The following ME2 variants were observed in gnomAD, a reference collection of about 807,000 sequenced individuals.
The protein encoded by ME2 is malic enzyme 2, also known as NAD-dependent malic enzyme, mitochondrial.
In ME2, 60 loss-of-function variants were observed where a neutral mutation model predicts 73.7. The ratio of observed to expected loss-of-function variants is 0.81; its 90% confidence interval spans 0.66 to 1.01. The LOEUF (loss-of-function observed/expected upper bound fraction) is 1.01. Ranked by LOEUF, ME2 falls within the 50% of genes least tolerant of loss-of-function variation. The pLI, the probability that ME2 is intolerant of heterozygous loss-of-function variation, is 0.00. For missense variants in ME2, 594 were observed against 705.5 expected (o/e 0.84, Z 1.79); for synonymous variants, 199 against 236.9 (o/e 0.84, Z 1.47).
intron 7 of ME2, among the ~76,000 whole-genome samples, chr18:50,919,080 C>T (rs1227296882): frequency 1.6e-5 from 2 of 122,868 alleles, no homozygotes; most frequent in Non-Finnish European, 3.5e-5. Context: ...AGATATTCCT[C>T]AAATTCAGTG....
intron 5 of ME2, chr18:50,917,096 C>T: frequency 3.1e-6 from 1 of 318,210 alleles, no homozygotes; most frequent in East Asian, 5.5e-5. Flanking sequence ...TAAGTTGGTC[C>T]TCTAGTCAGA....
intron 1 of ME2, among the ~76,000 whole-genome samples, chr18:50,889,515 A>G (rs1916557618): frequency 6.6e-6 from 1 of 152,174 alleles, no homozygotes; most frequent in African/African-American, 2.4e-5. Context: ...TGTATCCTTT[A>G]TAATAAAGGG....
intron 1 of ME2, among the ~76,000 whole-genome samples, chr18:50,884,424 T>G (rs915529161): frequency 7.2e-5 from 11 of 152,216 alleles, no homozygotes; most frequent in African/African-American, 2.2e-4. Flanking sequence ...CTCAGCTCAC[T>G]GCAACCTCTG....
intron 11 of ME2, among the ~76,000 whole-genome samples, chr18:50,924,536 G>A (rs2427777): frequency 0.51 from 76,577 of 150,728 alleles, 19,958 homozygotes; most frequent in South Asian, 0.68. Context: ...GTTTTCGTGG[G>A]CAACAAAGCT....
intron 15 of ME2, chr18:50,942,802 C>A (rs1917993673): frequency 1.1e-5 from 3 of 264,022 alleles, no homozygotes; most frequent in East Asian, 1.2e-4. Context: ...GTTTTTTGAA[C>A]AATCTTATTT....
In ME2 at chr18:50,949,897, A is replaced by G. The variant is rs963098130; in HGVS notation, c.*2713A>G. The G allele has an allele frequency of 1.3e-5, 2 of 152,268 alleles. No homozygotes were observed. Among genetic ancestry groups the G allele is most frequent in the Non-Finnish European group, 2.9e-5 (2 of 68,040 alleles). The allele number at this position is 152,268 out of a possible 1,614,324, so 9.4% of individuals were successfully genotyped here. A position where few individuals can be genotyped will look rare whatever the true frequency, so the allele number is the denominator to read the frequency against. ...TGCTTAATATTTAAGCTAAGAATACAGGAAGGACTATGAGCATTGAGGAAA... is the reference window on the plus strand; with the variant it reads ...TGCTTAATATTTAAGCTAAGAATACGGGAAGGACTATGAGCATTGAGGAAA... On this transcript the variant is annotated 3_prime_UTR_variant, in exon 16 of 16. Transcript: ENST00000321341.
Position 50,917,528 on chromosome 18 carries a change from C to T in ME2, c.630+20C>T. ...AATATCGTGAGTAACATCATTTTCCCCCTTTATCTTCCTCCTGTATTTTTT... is the reference window on the plus strand; with the variant it reads ...AATATCGTGAGTAACATCATTTTCCTCCTTTATCTTCCTCCTGTATTTTTT... On this transcript the variant is annotated intron_variant, in intron 6 of 15. Transcript: ENST00000321341. 6.6e-7 allele frequency: 1 copy of T among 1,512,908 alleles called. No homozygotes were observed. The highest frequency in any genetic ancestry group is 1.3e-5 in the South Asian group (1 of 75,134). 93.7% of individuals were successfully genotyped at this position (1,512,908 alleles called of 1,614,324 possible).
intron 2 of ME2, among the ~76,000 whole-genome samples, chr18:50,900,822 C>T (rs944351146): frequency 6.6e-6 from 1 of 152,144 alleles, no homozygotes; most frequent in Non-Finnish European, 1.5e-5. Flanking sequence ...CTCATTCTCT[C>T]TCCTGCCACC....
intron 4 of ME2, 181 bp from the exon 5 acceptor site, chr18:50,915,987 G>GT: frequency 7.6e-6 from 4 of 529,078 alleles, no homozygotes; most frequent in Non-Finnish European, 1.3e-5. Context: ...GCTATGAACA[G>GT]TAATTACAGT....
At chr18:50,900,597 T>A (rs1916865763) in intron 2 of ME2, among the ~76,000 whole-genome samples, 1 of 152,134 alleles carries the variant, frequency 6.6e-6, no homozygotes, top group Non-Finnish European at 1.5e-5. Context: ...CAATTTTAAA[T>A]TACATTAAAA....
chr18:50,879,928 G>A (rs1916272509), intron 1 of ME2, among the ~76,000 whole-genome samples: 1 of 152,178 alleles, frequency 6.6e-6, no homozygotes, highest in Admixed American at 6.5e-5. Flanking sequence ...CCTAGGTTTC[G>A]ACTTTCTTTT....
chr18:50,930,045 A>C (rs1917656817), intron 12 of ME2, among the ~76,000 whole-genome samples: 1 of 152,196 alleles, frequency 6.6e-6, no homozygotes, highest in African/African-American at 2.4e-5. Flanking sequence ...GGATTGCTTG[A>C]GCCCATGAGT....
intron 3 of ME2, among the ~76,000 whole-genome samples, 186 bp from the exon 4 acceptor site, chr18:50,912,615 T>C (rs1343402108): frequency 6.6e-6 from 1 of 152,238 alleles, no homozygotes; most frequent in Admixed American, 6.5e-5. Context: ...AGTACCCTCA[T>C]ATTTTTGTTA....
At chr18:50,940,101 A>G (rs1162866216) in intron 14 of ME2, 187 bp from the exon 15 acceptor site, 8 of 560,568 alleles carry the variant, frequency 1.4e-5, no homozygotes, top group Non-Finnish European at 2.5e-5. Flanking sequence ...AAGTCTTTAA[A>G]TCTGGTTATT....
intron 4 of ME2, among the ~76,000 whole-genome samples, chr18:50,914,747 C>T (rs1156573818): frequency 1.3e-5 from 2 of 152,130 alleles, no homozygotes; most frequent in Non-Finnish European, 2.9e-5. Flanking sequence ...ATTTAAGATA[C>T]CAATGAGAAA....
intron 1 of ME2, among the ~76,000 whole-genome samples, chr18:50,888,270 C>G (rs1916523924): frequency 6.6e-6 from 1 of 151,902 alleles, no homozygotes; most frequent in Admixed American, 6.6e-5. Context: ...GCTTGAGCCC[C>G]CGAGGTCGAG....
Position 50,890,583 on chromosome 18 carries a change from T to C in ME2, c.-12-5226T>C, listed in dbSNP as rs188119747. ...TGTTTTATCCATTTAGTTTTATCTA[T>C]ATCATTTTTTCCTTCATTATGAAAC... On this transcript the variant is annotated intron_variant, in intron 1 of 15. Transcript: ENST00000321341. 7.2e-5 allele frequency among the ~76,000 whole-genome samples: 11 copies of C among 152,344 alleles called. No homozygotes were observed. In the East Asian group the frequency reaches 2.1e-3, roughly 29 times the overall value.
rs1263820206 is a variant in ME2 at position 50,950,479 on chromosome 18, T to TTTTTTTTTC, written c.*3303_*3304insCTTTTTTTT. 1.3e-4 allele frequency: 18 copies of TTTTTTTTTC among 140,594 alleles called. No homozygotes were observed. The East Asian group carries it at 2.3e-3, about 18-fold the overall frequency. 8.7% of individuals were successfully genotyped at this position (140,594 alleles called of 1,614,324 possible). On this transcript the variant is annotated 3_prime_UTR_variant, in exon 16 of 16. Transcript: ENST00000321341. The stretch of plus-strand genomic sequence containing the variant: ...GCCTCAGATTCTGCTTTTTTTTTTT[T>TTTTTTTTTC]TTTTTTTTTTTTTTTTAAACAGGGT...
chr18:50,921,880 G>A (rs949821706), intron 10 of ME2, among the ~76,000 whole-genome samples: 1 of 152,210 alleles, frequency 6.6e-6, no homozygotes, highest in African/African-American at 2.4e-5. Flanking sequence ...CTTTGGGCCT[G>A]ACTACCTTTG....
Sources: gnomAD v4.1 joint callset for allele counts (sites outside exome capture counted in the v4.1 genomes callset) on GRCh38, gnomAD v4.1.1 for gene constraint, MANE v1.5 for transcripts, NCBI Gene and HGNC (gene_info 2026-07-23, HGNC 2026-07-21) for gene names.